Variants in NPAS2 observed in about 807,000 individuals in gnomAD.
NPAS2 encodes the protein neuronal PAS domain-containing protein 2.
A neutral mutation model predicts 107.5 loss-of-function variants in NPAS2; 23 were observed. That is an observed-to-expected ratio of 0.21 (90% CI 0.15 to 0.30). NPAS2 has a LOEUF of 0.30. NPAS2 is among the 10% of genes least tolerant of loss of function. The pLI is 1.00. For synonymous variants in NPAS2, 403 were observed against 417.5 expected (o/e 0.97, Z 0.42); for missense variants, 756 against 1,043.3 (o/e 0.72, Z 3.79).
chr2:100,824,145 G>A (rs1269339495), intron 1 of NPAS2, among the ~76,000 whole-genome samples: 5 of 152,190 alleles, frequency 3.3e-5, no homozygotes, highest in Admixed American at 1.3e-4. Flanking sequence ...CAAGGAGGAC[G>A]AAGAGGTTAC....
intron 1 of NPAS2, among the ~76,000 whole-genome samples, chr2:100,826,306 G>A (rs1369139916): frequency 6.6e-6 from 1 of 152,140 alleles, no homozygotes; most frequent in Non-Finnish European, 1.5e-5. Context: ...GCTGGGCATG[G>A]TGGCACATGT....
At chr2:100,835,480 C>T (rs570984291) in intron 1 of NPAS2, among the ~76,000 whole-genome samples, 3 of 152,250 alleles carry the variant, frequency 2.0e-5, no homozygotes, top group East Asian at 3.9e-4. Context: ...CTCCACCCTT[C>T]GGAGGAGGAG....
chr2:100,993,473 A>G lies in NPAS2; in HGVS notation c.2238A>G (p.Pro746=), dbSNP rs777430062. The change falls in exon 20 of 21, where the codon CCA becomes CCG. Residue 746 remains proline (P), a synonymous_variant. Transcript: ENST00000335681. ...ACCCCAGCTTCCCTGCCTCCCAACCATCGCCCCTGCAGCCTGCACAGGCCC... is the reference window on the plus strand; with the variant it reads ...ACCCCAGCTTCCCTGCCTCCCAACCGTCGCCCCTGCAGCCTGCACAGGCCC... ...VLHPSFPASQ[P]SPLQPAQARQ... 4.3e-5 allele frequency: 69 copies of G among 1,609,924 alleles called. No homozygotes were observed. The Middle Eastern group carries it at 4.9e-4, about 12-fold the overall frequency.
intron 1 of NPAS2, among the ~76,000 whole-genome samples, chr2:100,837,602 C>T (rs7574354): frequency 0.16 from 24,588 of 152,104 alleles, 2,166 homozygotes; most frequent in Middle Eastern, 0.36. Flanking sequence ...CATGAGCCAC[C>T]GCACCTGGCC....
chr2:100,944,262 T>A (rs1674754797), intron 5 of NPAS2, among the ~76,000 whole-genome samples: 1 of 152,140 alleles, frequency 6.6e-6, no homozygotes, highest in South Asian at 2.1e-4. Flanking sequence ...CCAGCACAGA[T>A]CTCAAGCCAA....
intron 3 of NPAS2, among the ~76,000 whole-genome samples, chr2:100,929,977 T>C (rs982480133): frequency 1.3e-5 from 2 of 152,256 alleles, no homozygotes; most frequent in African/African-American, 4.8e-5. Flanking sequence ...TGTACACTTA[T>C]TCTCTCTGAA....
intron 1 of NPAS2, among the ~76,000 whole-genome samples, chr2:100,858,795 G>T (rs188263437): frequency 6.6e-6 from 1 of 152,228 alleles, no homozygotes; most frequent in East Asian, 1.9e-4. Flanking sequence ...AAGTCATTAA[G>T]GGTGATCATG....
intron 16 of NPAS2, 41 bp downstream of exon 16, chr2:100,982,418 G>A (rs1677501348): frequency 6.2e-7 from 1 of 1,602,758 alleles, no homozygotes. Context: ...CTGCTGCTGT[G>A]TGGGAAGGGG....
chr2:100,826,254 C>T (rs964817301), intron 1 of NPAS2, among the ~76,000 whole-genome samples: 2 of 152,090 alleles, frequency 1.3e-5, no homozygotes, highest in African/African-American at 2.4e-5. Flanking sequence ...CAATCCTGGC[C>T]AACATGGTGA....
intron 1 of NPAS2, among the ~76,000 whole-genome samples, chr2:100,879,481 T>C (rs1680198413): frequency 1.3e-5 from 2 of 152,148 alleles, no homozygotes; most frequent in African/African-American, 4.8e-5. Flanking sequence ...GAACTCTACT[T>C]CCTCCTTTTC....
chr2:100,820,068 G>A (rs1279931965), upstream of NPAS2: 1 of 150,386 alleles, frequency 6.6e-6, no homozygotes, highest in Non-Finnish European at 1.5e-5. This position sits in a 1 kb window ranked among gnomAD's most constrained non-coding sequence, Gnocchi z 5.6. Context: ...GGGGGAGGTG[G>A]AGAGGGAGGA....
At chr2:100,990,576 A>C (rs1245261375) in intron 18 of NPAS2, 130 bp downstream of exon 18, 1 of 1,120,188 alleles carries the variant, frequency 8.9e-7, no homozygotes, top group Non-Finnish European at 1.3e-6. Context: ...GATCTCAGCT[A>C]AGGAAGCAGA....
chr2:100,960,720 G>A (rs1675868626), intron 7 of NPAS2, among the ~76,000 whole-genome samples: 2 of 152,092 alleles, frequency 1.3e-5, no homozygotes, highest in African/African-American at 4.8e-5. Context: ...ACCAAGGTGG[G>A]TCACACTGCA....
intron 1 of NPAS2, among the ~76,000 whole-genome samples, chr2:100,863,784 T>A (rs1679083246): frequency 6.6e-6 from 1 of 152,212 alleles, no homozygotes; most frequent in African/African-American, 2.4e-5. Flanking sequence ...CTTCCATCTG[T>A]GAGCTCTAAT....
At chr2:100,902,543 C>G (rs535677584) in intron 1 of NPAS2, among the ~76,000 whole-genome samples, 19 of 152,100 alleles carry the variant, frequency 1.2e-4, no homozygotes, top group Non-Finnish European at 2.1e-4. Context: ...AGGGCAGTTG[C>G]GAAGCCTGGA....
At chr2:100,837,559 C>T (rs897549707) in intron 1 of NPAS2, among the ~76,000 whole-genome samples, 2 of 152,120 alleles carry the variant, frequency 1.3e-5, no homozygotes, top group African/African-American at 2.4e-5. Context: ...GTGATCCACC[C>T]GCCTTGGCCT....
chr2:100,949,694 C>T (rs1421224997), intron 7 of NPAS2, among the ~76,000 whole-genome samples: 1 of 152,198 alleles, frequency 6.6e-6, no homozygotes, highest in East Asian at 1.9e-4. Flanking sequence ...TGCCAGTGCA[C>T]ACAGTCCCAC....
At position 100,953,067 on chromosome 2, in the gene NPAS2, T is replaced by TGTGGTG. The variant is rs1333773333; in HGVS notation, c.598+3588_598+3589insTGGTGG. Among the ~76,000 whole-genome samples, 86 of 142,104 alleles carry TGTGGTG rather than the reference T, an allele frequency of 6.1e-4. 4 individuals are homozygous for TGTGGTG. The highest frequency in any genetic ancestry group is 3.4e-3 in the Middle Eastern group (1 of 290). The allele number at this position is 142,104 out of a possible 152,430, so 93.2% of individuals were successfully genotyped here. On this transcript the variant is annotated intron_variant, in intron 7 of 20. Coordinates refer to ENST00000335681, the MANE Select transcript of NPAS2 (RefSeq NM_002518.4). The stretch of plus-strand genomic sequence containing the variant: ...AATAGCAAAAATTGTCAGAGACAAA[T>TGTGGTG]GAATTTCTCAGGTTAAACCCTATAA...
chr2:100,864,582 A>T (rs1679144270), intron 1 of NPAS2, among the ~76,000 whole-genome samples: 1 of 152,336 alleles, frequency 6.6e-6, no homozygotes, highest in East Asian at 1.9e-4. Context: ...ATGGCATTGA[A>T]AAATGGTTGA....
Sources: gnomAD v4.1 joint callset for allele counts (sites outside exome capture counted in the v4.1 genomes callset) on GRCh38, gnomAD v4.1.1 for gene constraint, Gnocchi (gnomAD v3.1) non-coding constraint, MANE v1.5 for transcripts, NCBI Gene and HGNC (gene_info 2026-07-23, HGNC 2026-07-21) for gene names.